Variants in WDFY3 observed in about 807,000 individuals in gnomAD.
The protein encoded by WDFY3 is WD repeat and FYVE domain-containing protein 3.
WDFY3 carries 66 observed loss-of-function variants against 409.6 expected under a neutral mutation model. The observed-to-expected ratio is 0.16, with a 90% confidence interval of 0.13 to 0.20. The LOEUF (loss-of-function observed/expected upper bound fraction) is 0.20. Ranked by LOEUF, WDFY3 falls within the 10% of genes least tolerant of loss-of-function variation. WDFY3 has a pLI of 1.00. For missense variants in WDFY3, 3,031 were observed against 4,298.1 expected (o/e 0.71, Z 8.24); for synonymous variants, 1,521 against 1,537.1 (o/e 0.99, Z 0.25).
chr4:84,778,710 C>T, intron 26 of WDFY3, 55 bp from the exon 27 acceptor site: 1 of 1,544,724 alleles, frequency 6.5e-7, no homozygotes, highest in Non-Finnish European at 8.8e-7. Context: ...ATATTCATTA[C>T]ACACACACAA....
At chr4:84,875,728 A>AT (rs1560980283) in intron 3 of WDFY3, among the ~76,000 whole-genome samples, 1 of 152,162 alleles carries the variant, frequency 6.6e-6, no homozygotes, top group African/African-American at 2.4e-5. Flanking sequence ...GTTTTAAAAC[A>AT]TTTTTGTTAA....
intron 4 of WDFY3, 81 bp downstream of exon 4, chr4:84,860,331 A>T: frequency 1.4e-6 from 2 of 1,453,046 alleles, no homozygotes; most frequent in Admixed American, 2.2e-5. Flanking sequence ...ATTTTTTTCT[A>T]CCTATGGCTT....
At chr4:84,910,957 T>A (rs1176414913) in intron 2 of WDFY3, among the ~76,000 whole-genome samples, 1 of 151,498 alleles carries the variant, frequency 6.6e-6, no homozygotes, top group Non-Finnish European at 1.5e-5. Flanking sequence ...TGACCTCAGG[T>A]GATCCACCTG....
intron 3 of WDFY3, among the ~76,000 whole-genome samples, chr4:84,860,943 G>A (rs926541927): frequency 6.6e-6 from 1 of 152,126 alleles, no homozygotes; most frequent in Admixed American, 6.5e-5. Context: ...GGGAATAGTG[G>A]TGCACACCTG....
intron 13 of WDFY3, among the ~76,000 whole-genome samples, chr4:84,812,350 C>A (rs1296936420): frequency 6.6e-6 from 1 of 151,998 alleles, no homozygotes; most frequent in Non-Finnish European, 1.5e-5. Flanking sequence ...TATGCGCATG[C>A]ACGCACACAC....
At chr4:84,908,754 A>G (rs1767375298) in intron 2 of WDFY3, among the ~76,000 whole-genome samples, 1 of 152,118 alleles carries the variant, frequency 6.6e-6, no homozygotes, top group Non-Finnish European at 1.5e-5. Context: ...TCTAAGTCAG[A>G]TATGCCAGAA....
At chr4:84,894,964 A>AG (rs1318590757) in intron 3 of WDFY3, among the ~76,000 whole-genome samples, 5 of 151,446 alleles carry the variant, frequency 3.3e-5, no homozygotes, top group Non-Finnish European at 7.4e-5. Flanking sequence ...AAAAAAAAAA[A>AG]AAGTCAGCTT....
chr4:84,929,937 A>C (rs1770537505), intron 2 of WDFY3, among the ~76,000 whole-genome samples: 3 of 151,846 alleles, frequency 2.0e-5, no homozygotes, highest in Admixed American at 2.0e-4. Context: ...TAGACACAAG[A>C]GACATGCATA....
chr4:84,774,349 C>A (rs958702224), intron 29 of WDFY3, among the ~76,000 whole-genome samples: 4 of 152,254 alleles, frequency 2.6e-5, no homozygotes, highest in African/African-American at 9.6e-5. Flanking sequence ...GCATTGTCTG[C>A]AAAATAATAC....
In WDFY3 at chr4:84,678,173, G is replaced by A; in HGVS notation, c.10254C>T (p.Ile3418=). 4 of 1,613,030 alleles carry A rather than the reference G, an allele frequency of 2.5e-6. No homozygotes were observed. The highest frequency in any genetic ancestry group is 3.4e-6 in the Non-Finnish European group (4 of 1,179,104). The change falls in exon 66 of 68, where the codon ATC becomes ATT. Residue 3418 remains isoleucine (I), a synonymous_variant. Transcript: ENST00000295888. ...GGAAAAAGCCTGACACTTACTTGGA[G>A]ATGCCCAAGGCAGTGACCTCAGCTG... The part of the protein sequence containing the change: ...AHPAEVTALG[I]SKDHSRILVG...
rs754023071 is a variant in WDFY3, at chr4:84,849,960, T to A, written c.246A>T (p.Thr82=). The A allele has an allele frequency of 6.2e-7, 1 of 1,611,240 alleles. No homozygotes were observed. The highest frequency in any genetic ancestry group is 8.5e-7 in the Non-Finnish European group (1 of 1,179,094). The change falls in exon 5 of 68, where the codon ACA becomes ACT. Residue 82 remains threonine, a synonymous_variant. Coordinates refer to ENST00000295888, the MANE Select transcript of WDFY3 (RefSeq NM_014991.6). The part of the protein sequence containing the change: ...EKFSDLLQFT[T]QVSRLMVTEI... Reference sequence around the variant, plus strand: ...CTGTCACCATTAGTCGTGAGACTTGTGTTGTGAACTGCAGAAGATCAGAAA... The same window carrying A: ...CTGTCACCATTAGTCGTGAGACTTGAGTTGTGAACTGCAGAAGATCAGAAA...
At chr4:84,937,932 A>C (rs547140890) in intron 1 of WDFY3, among the ~76,000 whole-genome samples, 13 of 151,988 alleles carry the variant, frequency 8.6e-5, no homozygotes, top group Non-Finnish European at 1.6e-4. Flanking sequence ...CCCCCAGTAC[A>C]TTTTTCCCCA....
At chr4:84,789,687 T>C (rs1033545199) in intron 22 of WDFY3, 39 bp downstream of exon 22, 15 of 1,567,786 alleles carry the variant, frequency 9.6e-6, no homozygotes, top group Non-Finnish European at 1.0e-5. Context: ...AACTACTACC[T>C]TATAAAACAG....
In WDFY3 at chr4:84,724,519, C is replaced by T. The variant is rs895398874; in HGVS notation, c.7348G>A (p.Ala2450Thr). 4.3e-6 allele frequency: 7 copies of T among 1,614,098 alleles called. No homozygotes were observed. Among genetic ancestry groups the T allele is most frequent in the East Asian group, 2.2e-5 (1 of 44,870 alleles). ...YYMRLASGNP[A>T]IVQDAIVESS... Reference sequence around the variant, plus strand: ...TCCACAATGGCGTCTTGGACAATGGCGGGATTGCCAGAGGCCAGTCGCATG... The same window carrying T: ...TCCACAATGGCGTCTTGGACAATGGTGGGATTGCCAGAGGCCAGTCGCATG... The change falls in exon 46 of 68, where the codon GCC (alanine) becomes ACC (threonine). Residue 2450 changes from alanine to threonine, a missense_variant. This residue lies in a region of WDFY3 where 127 missense variants were observed against 144.4 expected (regional missense o/e 0.88). Coordinates refer to ENST00000295888, the MANE Select transcript of WDFY3 (RefSeq NM_014991.6).
At position 84,737,301 on chromosome 4, in the gene WDFY3, C is replaced by T. The variant is rs919236039; in HGVS notation, c.6640G>A (p.Val2214Ile). 3.1e-6 allele frequency: 5 copies of T among 1,613,802 alleles called. No individual in the cohort carries two copies. The highest frequency in any genetic ancestry group is 4.2e-6 in the Non-Finnish European group (5 of 1,179,920). The stretch of plus-strand genomic sequence containing the variant: ...GTTACTTTGAAAAGTTCCTCTAAGA[C>T]TTGTTTCTTACTATGTATCAGTTCA... ...WTELIHSKKQVLEELFKVTLP... is the reference protein window; with the variant it reads ...WTELIHSKKQILEELFKVTLP... The change falls in exon 41 of 68, where the codon GTC (valine) becomes ATC (isoleucine). Residue 2214 changes from valine to isoleucine, a missense_variant. By Grantham distance (29) the Val-to-Ile change is conservative (BLOSUM62 3). Coordinates refer to ENST00000295888, the MANE Select transcript of WDFY3 (RefSeq NM_014991.6).
chr4:84,951,266 T>C (rs1422364782), intron 1 of WDFY3, among the ~76,000 whole-genome samples: 2 of 152,228 alleles, frequency 1.3e-5, no homozygotes, highest in Non-Finnish European at 2.9e-5. Context: ...TCTTCGTTTG[T>C]TTTTATCATA....
Position 84,705,610 on chromosome 4 carries a change from C to T in WDFY3, c.8218-99G>A, listed in dbSNP as rs754125299. 5.8e-5 allele frequency: 55 copies of T among 946,528 alleles called. No individual in the cohort carries two copies. In the Middle Eastern group the frequency reaches 6.6e-4, roughly 11 times the overall value. The allele number at this position is 946,528 out of a possible 1,614,324, so 58.6% of individuals were successfully genotyped here. A position where few individuals can be genotyped will look rare whatever the true frequency, so the allele number is the denominator to read the frequency against. On this transcript the variant is annotated intron_variant, in intron 53 of 67. Transcript: ENST00000295888. ...GTTGTGGATGATGATGATTTATAAA[C>T]GCACTAGTATCTGTGGGGTCAAACT...
intron 25 of WDFY3, among the ~76,000 whole-genome samples, chr4:84,780,941 G>C (rs1211856351): frequency 6.6e-6 from 1 of 152,002 alleles, no homozygotes; most frequent in Non-Finnish European, 1.5e-5. Flanking sequence ...AAAAGTAAGT[G>C]GTCTTGAGAA....
intron 1 of WDFY3, among the ~76,000 whole-genome samples, chr4:84,948,148 C>T (rs1274719173): frequency 6.6e-6 from 1 of 152,164 alleles, no homozygotes; most frequent in Non-Finnish European, 1.5e-5. Flanking sequence ...CATGCATTTT[C>T]CTTGCTTCCT....
Sources: gnomAD v4.1 joint callset for allele counts (sites outside exome capture counted in the v4.1 genomes callset) on GRCh38, gnomAD v4.1.1 for gene constraint, gnomAD v4.1.1 regional missense constraint, MANE v1.5 for transcripts, NCBI Gene and HGNC (gene_info 2026-07-23, HGNC 2026-07-21) for gene names.